The following STK3 variants were observed in gnomAD, a reference collection of about 807,000 sequenced individuals.
STK3 encodes the protein serine/threonine-protein kinase 3.
Under a neutral mutation model 58.0 loss-of-function variants are expected in STK3, and 41 were observed. The observed-to-expected ratio is 0.71, with a 90% CI of 0.55 to 0.92. The LOEUF (loss-of-function observed/expected upper bound fraction) is 0.92. Ranked by LOEUF, STK3 falls within the 40% of genes least tolerant of loss-of-function variation. STK3 has a pLI of 0.00. For missense variants in STK3, 479 were observed against 602.7 expected (o/e 0.79, Z 2.15); for synonymous variants, 170 against 191.0 (o/e 0.89, Z 0.91).
chr8:98,699,934 T>C (rs1477910817), intron 6 of STK3, among the ~76,000 whole-genome samples: 1 of 152,200 alleles, frequency 6.6e-6, no homozygotes, highest in African/African-American at 2.4e-5. Flanking sequence ...AGGTTACTGC[T>C]GTCTTTTTGT....
chr8:98,833,809 TA>T (rs1564048617), intron 3 of STK3, among the ~76,000 whole-genome samples: 1 of 152,188 alleles, frequency 6.6e-6, no homozygotes, highest in Non-Finnish European at 1.5e-5. Context: ...TGAGGGGGGT[TA>T]GATTTTATTT....
upstream of STK3, among the ~76,000 whole-genome samples, chr8:98,829,626 G>C (rs1161661120): frequency 4.6e-5 from 7 of 152,174 alleles, no homozygotes; most frequent in Non-Finnish European, 1.0e-4. Flanking sequence ...AAGTGTGAAA[G>C]GAGTTACCCT....
intron 1 of STK3, among the ~76,000 whole-genome samples, chr8:98,925,272 T>TATTG (rs1359638010): frequency 1.3e-5 from 2 of 152,242 alleles, no homozygotes; most frequent in Non-Finnish European, 2.9e-5. Context: ...CTGCCTGGCT[T>TATTG]ATTGATAGTG....
At chr8:98,535,969 A>C (rs1809724294) in intron 9 of STK3, among the ~76,000 whole-genome samples, 1 of 152,178 alleles carries the variant, frequency 6.6e-6, no homozygotes, top group Admixed American at 6.6e-5. Context: ...AAACAGTTTG[A>C]TTAGAGAGAA....
At chr8:98,735,110 C>T (rs892280000) in intron 4 of STK3, among the ~76,000 whole-genome samples, 1 of 151,952 alleles carries the variant, frequency 6.6e-6, no homozygotes, top group African/African-American at 2.4e-5. Context: ...CGAATAGTAG[C>T]CATGCAAATT....
chr8:98,603,905 A>G (rs1009584374), intron 6 of STK3, among the ~76,000 whole-genome samples: 1 of 152,230 alleles, frequency 6.6e-6, no homozygotes, highest in African/African-American at 2.4e-5. Context: ...GTTACTTTAC[A>G]TGGCAAAAAG....
At chr8:98,854,704 T>G (rs950361432) in intron 3 of STK3, among the ~76,000 whole-genome samples, 16 of 152,124 alleles carry the variant, frequency 1.1e-4, no homozygotes, top group Non-Finnish European at 1.9e-4. Context: ...AAGATCTAAA[T>G]AAATGAATAA....
chr8:98,715,634 A>C (rs1826942049), intron 4 of STK3, among the ~76,000 whole-genome samples: 1 of 152,148 alleles, frequency 6.6e-6, no homozygotes, highest in African/African-American at 2.4e-5. Context: ...AGGAAACAAC[A>C]AGCGCTGGAG....
At chr8:98,396,352 G>A (rs1817897192) in intron 3 of STK3, among the ~76,000 whole-genome samples, 1 of 152,242 alleles carries the variant, frequency 6.6e-6, no homozygotes, top group Non-Finnish European at 1.5e-5. Flanking sequence ...AAGCAATTGT[G>A]TATCTGCAGA....
At chr8:98,620,714 GAAA>G (rs1420428210) in intron 6 of STK3, among the ~76,000 whole-genome samples, 2 of 151,316 alleles carry the variant, frequency 1.3e-5, no homozygotes, top group African/African-American at 2.4e-5. Context: ...TTTAAAATAT[GAAA>G]AAAGTTAAAA....
chr8:98,836,816 G>A (rs779271556), intron 3 of STK3, among the ~76,000 whole-genome samples: 6 of 152,032 alleles, frequency 3.9e-5, no homozygotes, highest in South Asian at 2.1e-4. Context: ...TTTCTGTCTC[G>A]GTACCATTTT....
At chr8:98,934,476 A>G (rs927573214) in intron 1 of STK3, among the ~76,000 whole-genome samples, 1 of 152,234 alleles carries the variant, frequency 6.6e-6, no homozygotes, top group African/African-American at 2.4e-5. Context: ...AGTGAACAAA[A>G]AGGGGCAAGT....
rs1453740174 is a variant in STK3, at chr8:98,869,071, GAAGGAAGGAAGGAGAGAA to G, written c.110+14558_110+14575del. 9.5e-3 allele frequency among the ~76,000 whole-genome samples: 1,426 copies of G among 149,646 alleles called. 42 individuals carry two copies. The highest frequency in any genetic ancestry group is 0.034 in the African/African-American group (1,370 of 40,156). ...GGAAGGAAGGAAGGAAGGAAGGAAG[GAAGGAAGGAAGGAGAGAA>G]AGAGAAAATAGAAAAGAAAAGGAGT... On this transcript the variant is annotated intron_variant, in intron 3 of 12. Coordinates refer to the STK3 transcript ENST00000523601.
chr8:98,561,021 A>G (rs1811970515), intron 8 of STK3, among the ~76,000 whole-genome samples: 1 of 152,142 alleles, frequency 6.6e-6, no homozygotes, highest in African/African-American at 2.4e-5. Flanking sequence ...TTAACAAAGC[A>G]AGATGCCGTG....
chr8:98,739,296 T>A (rs1828957156), intron 4 of STK3, among the ~76,000 whole-genome samples: 1 of 152,198 alleles, frequency 6.6e-6, no homozygotes, highest in Non-Finnish European at 1.5e-5. Flanking sequence ...CCTCCTCAAG[T>A]GGGTCCCTGA....
intron 1 of STK3, among the ~76,000 whole-genome samples, chr8:98,908,946 A>G (rs1364343289): frequency 6.6e-6 from 1 of 151,336 alleles, no homozygotes; most frequent in Non-Finnish European, 1.5e-5. Flanking sequence ...ACTTGAGGTC[A>G]GGAGTTCAAG....
downstream of STK3, chr8:98,883,238 G>C (rs1301982629): frequency 1.3e-5 from 2 of 159,930 alleles, no homozygotes; most frequent in African/African-American, 4.8e-5. Context: ...ACAGCTAAGG[G>C]GGAGAGGGGA....
intron 1 of STK3, among the ~76,000 whole-genome samples, chr8:98,815,779 T>C (rs759657369): frequency 6.6e-6 from 1 of 152,230 alleles, no homozygotes; most frequent in Non-Finnish European, 1.5e-5. Context: ...GTCTTTCCTT[T>C]ATCAACAGTA....
At chr8:98,574,693 G>C (rs1167533840) in intron 8 of STK3, among the ~76,000 whole-genome samples, 5 of 152,138 alleles carry the variant, frequency 3.3e-5, no homozygotes, top group Non-Finnish European at 7.4e-5. Context: ...TGAAAAGAGG[G>C]CTTTGGACTC....
Sources: allele counts gnomAD v4.1 joint callset (sites outside exome capture counted in the v4.1 genomes callset), GRCh38; gene constraint gnomAD v4.1.1; transcripts MANE v1.5; gene names NCBI Gene and HGNC (gene_info 2026-07-23, HGNC 2026-07-21).